TANC2: variants seen among roughly 807,000 people sequenced by gnomAD.
The protein encoded by TANC2 is protein TANC2.
In TANC2, 26 loss-of-function variants were observed where a neutral mutation model predicts 210.5. The observed-to-expected ratio is 0.12, with a 90% CI of 0.09 to 0.17. TANC2 has a LOEUF of 0.17. Ranked by LOEUF, TANC2 falls within the 10% of genes least tolerant of loss-of-function variation. The probability of loss-of-function intolerance (pLI) is 1.00; values close to 1 mark genes in which losing one functional copy is unlikely to be tolerated. For missense variants in TANC2, 2,129 were observed against 2,608.9 expected (o/e 0.82, Z 4.01); for synonymous variants, 931 against 967.1 (o/e 0.96, Z 0.69).
At chr17:63,072,575 GA>G (rs569735394) in intron 2 of TANC2, among the ~76,000 whole-genome samples, 42 of 152,040 alleles carry the variant, frequency 2.8e-4, no homozygotes, top group Non-Finnish European at 4.7e-4. Context: ...CATACTGGAG[GA>G]AAAAATATGG....
chr17:63,193,963 C>G (rs1048561861), intron 5 of TANC2, 28 bp from the exon 6 acceptor site: 12 of 1,593,992 alleles, frequency 7.5e-6, no homozygotes, highest in African/African-American at 1.3e-5. Flanking sequence ...TTGAAAGATT[C>G]ATGTTCTTCA....
At chr17:63,400,879 C>A (rs1382126473) in intron 19 of TANC2, among the ~76,000 whole-genome samples, 1 of 151,988 alleles carries the variant, frequency 6.6e-6, no homozygotes, top group Non-Finnish European at 1.5e-5. Flanking sequence ...TCTCAAACCC[C>A]TGACCTCAGG....
At chr17:63,351,725 C>G (rs567060600) in intron 13 of TANC2, among the ~76,000 whole-genome samples, 140 of 152,230 alleles carry the variant, frequency 9.2e-4, no homozygotes, top group Middle Eastern at 3.4e-3. Flanking sequence ...ATCTCTAACA[C>G]TTTGACTTTC....
chr17:63,135,313 G>A (rs1567753106), intron 4 of TANC2, among the ~76,000 whole-genome samples: 1 of 152,194 alleles, frequency 6.6e-6, no homozygotes, highest in African/African-American at 2.4e-5. Context: ...GATTGAATTT[G>A]TAAATATGTA....
intron 1 of TANC2, among the ~76,000 whole-genome samples, chr17:62,979,882 C>T (rs137883908): frequency 2.2e-3 from 331 of 152,316 alleles, no homozygotes; most frequent in Non-Finnish European, 3.9e-3. Context: ...ACTGCAACTC[C>T]AGCATGGGCA....
chr17:63,377,820 G>C (rs549377336), intron 14 of TANC2, among the ~76,000 whole-genome samples: 1 of 152,152 alleles, frequency 6.6e-6, no homozygotes. Context: ...AAGAGATTTC[G>C]TTGACTCACA....
chr17:63,037,236 C>T (rs1598294571), intron 2 of TANC2, among the ~76,000 whole-genome samples: 1 of 152,090 alleles, frequency 6.6e-6, no homozygotes, highest in East Asian at 1.9e-4. Context: ...ATGGATATGC[C>T]AGAAGTTACT....
intron 12 of TANC2, among the ~76,000 whole-genome samples, chr17:63,347,947 T>A (rs2046468774): frequency 6.6e-6 from 1 of 152,122 alleles, no homozygotes; most frequent in South Asian, 2.1e-4. Flanking sequence ...TTTCTATTTT[T>A]TGTAAAGATA....
At chr17:63,411,737 C>A in intron 22 of TANC2, 51 bp downstream of exon 22, 1 of 1,559,362 alleles carries the variant, frequency 6.4e-7, no homozygotes, top group Non-Finnish European at 8.7e-7. Flanking sequence ...GGCTATTCTC[C>A]ATCCATACTA....
chr17:63,061,439 C>A (rs1256988446), intron 2 of TANC2, among the ~76,000 whole-genome samples: 1 of 152,174 alleles, frequency 6.6e-6, no homozygotes, highest in African/African-American at 2.4e-5. Context: ...AATGATCCCC[C>A]CCTTTTTAAA....
Position 63,099,129 on chromosome 17 carries a change from C to T in TANC2, c.140-46C>T, listed in dbSNP as rs76291277. 7.5e-4 allele frequency: 1,162 copies of T among 1,559,508 alleles called. 9 individuals carry two copies. The African/African-American group carries it at 0.014, about 19-fold the overall frequency. On this transcript the variant is annotated intron_variant, in intron 3 of 27. Transcript: ENST00000689528. ...ATAAGATGTATTTTAATAGGGAAGG[C>T]AGGATCTTTTCTCACCAGCTCTTTT... is the stretch of plus-strand genomic sequence containing the variant.
At chr17:63,035,327 G>GTTA (rs2034928779) in intron 2 of TANC2, among the ~76,000 whole-genome samples, 1 of 152,166 alleles carries the variant, frequency 6.6e-6, no homozygotes, top group Non-Finnish European at 1.5e-5. Context: ...ATAGATTATA[G>GTTA]TGTATCATAA....
At chr17:63,286,881 A>G (rs369279732) in intron 9 of TANC2, among the ~76,000 whole-genome samples, 9 of 151,634 alleles carry the variant, frequency 5.9e-5, no homozygotes, top group African/African-American at 9.7e-5. Context: ...CACTAATTCT[A>G]TCTAGTGTAT....
chr17:63,192,180 A>G (rs73323749), intron 5 of TANC2, among the ~76,000 whole-genome samples: 7,007 of 152,280 alleles, frequency 0.046, 519 homozygotes, highest in African/African-American at 0.15. Context: ...CAGATAATAT[A>G]TTAATGTCAT....
chr17:63,253,584 T>TA (rs1210283190), intron 8 of TANC2, among the ~76,000 whole-genome samples: 3 of 152,182 alleles, frequency 2.0e-5, no homozygotes, highest in Admixed American at 2.0e-4. Context: ...GTCTTAAACT[T>TA]AAGTTTTTAA....
At chr17:63,296,070 C>A (rs2044526984) in intron 9 of TANC2, among the ~76,000 whole-genome samples, 1 of 152,066 alleles carries the variant, frequency 6.6e-6, no homozygotes, top group Non-Finnish European at 1.5e-5. Context: ...CAAGAAACCC[C>A]CTGAGTGGTT....
chr17:63,180,299 C>T (rs1007167598), intron 5 of TANC2, among the ~76,000 whole-genome samples: 1 of 152,160 alleles, frequency 6.6e-6, no homozygotes, highest in Non-Finnish European at 1.5e-5. Flanking sequence ...CATCTGAAAG[C>T]ACGAGTATGA....
chr17:63,417,304 C>T (rs1303560680), intron 26 of TANC2, among the ~76,000 whole-genome samples: 1 of 152,200 alleles, frequency 6.6e-6, no homozygotes, highest in African/African-American at 2.4e-5. Flanking sequence ...ATGACCATAA[C>T]CAGAGGCTAC....
At chr17:63,052,775 T>C (rs1157505178) in intron 2 of TANC2, among the ~76,000 whole-genome samples, 1 of 152,212 alleles carries the variant, frequency 6.6e-6, no homozygotes, top group African/African-American at 2.4e-5. Context: ...CCATCTTTGT[T>C]ACAACTACTG....
Sources: gnomAD v4.1 joint callset for allele counts (sites outside exome capture counted in the v4.1 genomes callset) on GRCh38, gnomAD v4.1.1 for gene constraint, MANE v1.5 for transcripts, NCBI Gene and HGNC (gene_info 2026-07-23, HGNC 2026-07-21) for gene names.